The following ACTR3C variants were observed in gnomAD, a reference collection of about 807,000 sequenced individuals.
ACTR3C encodes actin related protein 3C, also known as actin-related protein 3C.
In ACTR3C, 18 loss-of-function variants were observed where a neutral mutation model predicts 26.3. The ratio of observed to expected loss-of-function variants is 0.68; its 90% confidence interval spans 0.47 to 1.01. The LOEUF (loss-of-function observed/expected upper bound fraction) is 1.01, where lower values mean the gene tolerates loss of function less well. Ranked by LOEUF, ACTR3C falls within the 50% of genes least tolerant of loss-of-function variation. The pLI, the probability that ACTR3C is intolerant of heterozygous loss-of-function variation, is 0.00. For missense variants in ACTR3C, 184 were observed against 250.7 expected (o/e 0.73, Z 1.80); for synonymous variants, 55 against 94.5 (o/e 0.58, Z 2.42).
At chr7:150,197,379 G>C in the ACTR3C span, among the ~76,000 whole-genome samples, 1 of 152,188 alleles carries the variant, frequency 6.6e-6, no homozygotes, top group Non-Finnish European at 1.5e-5. Context: ...GACTTGATCT[G>C]AATCAACTAA....
the ACTR3C span, among the ~76,000 whole-genome samples, chr7:149,939,652 G>T: frequency 6.6e-6 from 1 of 151,104 alleles, no homozygotes; most frequent in Non-Finnish European, 1.5e-5. Context: ...AGTTGGAGAG[G>T]CAGACTGTGC....
At chr7:150,181,127 G>A in the ACTR3C span, among the ~76,000 whole-genome samples, 7 of 150,754 alleles carry the variant, frequency 4.6e-5, no homozygotes, top group East Asian at 1.9e-4. Context: ...TATTAGTCAC[G>A]GTCTAAGTCA....
the ACTR3C span, among the ~76,000 whole-genome samples, chr7:150,038,621 G>A: frequency 3.4e-5 from 5 of 145,112 alleles, 1 homozygote; most frequent in Middle Eastern, 3.2e-3. Context: ...TTCTGTTCCC[G>A]AGCTGCGTTC....
chr7:150,156,596 G>A, the ACTR3C span, among the ~76,000 whole-genome samples: 1 of 152,050 alleles, frequency 6.6e-6, no homozygotes. Context: ...AGGGAGAGGA[G>A]AGAGAGCGAT....
At chr7:149,920,907 C>G in the ACTR3C span, among the ~76,000 whole-genome samples, 1 of 151,996 alleles carries the variant, frequency 6.6e-6, no homozygotes. Context: ...GCTGGATTTA[C>G]AGGCATGCAC....
At chr7:150,197,509 C>A in the ACTR3C span, among the ~76,000 whole-genome samples, 1 of 152,220 alleles carries the variant, frequency 6.6e-6, no homozygotes, top group Non-Finnish European at 1.5e-5. Flanking sequence ...GGAGCTCACA[C>A]TTCTGGCTTT....
At chr7:149,899,030 T>A in the ACTR3C span, among the ~76,000 whole-genome samples, 1 of 151,722 alleles carries the variant, frequency 6.6e-6, no homozygotes, top group Non-Finnish European at 1.5e-5. Context: ...CAAGTGAGTG[T>A]CAACAAAGGC....
intron 2 of ACTR3C, among the ~76,000 whole-genome samples, chr7:150,294,706 T>C (rs531552006): frequency 3.3e-5 from 5 of 152,150 alleles, no homozygotes; most frequent in African/African-American, 7.2e-5. Flanking sequence ...CAGAAAACAT[T>C]TGGGCAACAC....
At chr7:150,175,829 A>G in the ACTR3C span, among the ~76,000 whole-genome samples, 1 of 149,226 alleles carries the variant, frequency 6.7e-6, no homozygotes, top group Non-Finnish European at 1.5e-5. Flanking sequence ...AAAAAAAAAA[A>G]AAAAAAGAAA....
intron 6 of ACTR3C, among the ~76,000 whole-genome samples, chr7:150,249,872 G>A (rs1171070622): frequency 1.3e-5 from 2 of 152,204 alleles, no homozygotes; most frequent in Non-Finnish European, 2.9e-5. Context: ...TTTAAAAGAT[G>A]GGAAGTGGAA....
At chr7:149,981,725 A>G in the ACTR3C span, among the ~76,000 whole-genome samples, 1 of 151,934 alleles carries the variant, frequency 6.6e-6, no homozygotes, top group Non-Finnish European at 1.5e-5. Context: ...GGCAGCCAGG[A>G]ACCTGCCCTC....
the ACTR3C span, among the ~76,000 whole-genome samples, chr7:150,005,613 G>C: frequency 1.3e-5 from 2 of 152,194 alleles, no homozygotes; most frequent in African/African-American, 4.8e-5. Context: ...TGTGGTGAGG[G>C]GGGGAAGAGG....
chr7:150,288,936 G>A (rs1446491160), intron 4 of ACTR3C, among the ~76,000 whole-genome samples: 1 of 151,764 alleles, frequency 6.6e-6, no homozygotes, highest in Non-Finnish European at 1.5e-5. Flanking sequence ...GAGGAAGGCA[G>A]TGAGGAGAAG....
the ACTR3C span, among the ~76,000 whole-genome samples, chr7:150,048,974 C>T: frequency 1.3e-4 from 20 of 152,280 alleles, no homozygotes; most frequent in East Asian, 1.7e-3. Flanking sequence ...TGACTCCATT[C>T]TCATTATCAT....
chr7:150,081,261 G>A, the ACTR3C span, among the ~76,000 whole-genome samples: 1 of 149,884 alleles, frequency 6.7e-6, no homozygotes, highest in Non-Finnish European at 1.5e-5. Flanking sequence ...AAAAAGGGAA[G>A]GAAGGGAGAA....
chr7:149,935,847 G>A, the ACTR3C span, among the ~76,000 whole-genome samples: 1 of 152,310 alleles, frequency 6.6e-6, no homozygotes, highest in East Asian at 1.9e-4. Flanking sequence ...AAAGAGAAAG[G>A]TGTGGTGCAG....
the ACTR3C span, among the ~76,000 whole-genome samples, chr7:150,075,516 T>C: frequency 6.6e-6 from 1 of 152,090 alleles, no homozygotes; most frequent in Non-Finnish European, 1.5e-5. Flanking sequence ...GTGATGTAAT[T>C]AGCCCAAAGT....
At chr7:150,211,116 C>T in the ACTR3C span, among the ~76,000 whole-genome samples, 3 of 148,958 alleles carry the variant, frequency 2.0e-5, no homozygotes, top group Non-Finnish European at 4.4e-5. Context: ...CTATAAGGCA[C>T]CCTTTCCCTA....
chr7:150,219,700 T>C, the ACTR3C span, among the ~76,000 whole-genome samples: 5 of 141,104 alleles, frequency 3.5e-5, no homozygotes, highest in Non-Finnish European at 5.9e-5. Context: ...CACTCCCCTT[T>C]CTCTGAACGT....
Sources: allele counts gnomAD v4.1 joint callset (sites outside exome capture counted in the v4.1 genomes callset), GRCh38; gene constraint gnomAD v4.1.1; transcripts MANE v1.5; gene names NCBI Gene and HGNC (gene_info 2026-07-23, HGNC 2026-07-21).